The following PAX5 variants were observed in gnomAD, a reference collection of about 807,000 sequenced individuals.
PAX5 encodes the protein paired box protein Pax-5.
In PAX5, 9 loss-of-function variants were observed where a neutral mutation model predicts 43.7. The ratio of observed to expected loss-of-function variants is 0.21; its 90% CI spans 0.12 to 0.36. The LOEUF (loss-of-function observed/expected upper bound fraction) is 0.36, where lower values mean the gene tolerates loss of function less well. Ranked by LOEUF, PAX5 falls within the 10% of genes least tolerant of loss-of-function variation. PAX5 has a pLI of 1.00. For missense variants in PAX5, 383 were observed against 532.7 expected (o/e 0.72, Z 2.77); for synonymous variants, 228 against 214.3 (o/e 1.06, Z -0.56).
intron 6 of PAX5, among the ~76,000 whole-genome samples, chr9:36,937,030 C>G (rs3849924): frequency 0.83 from 126,716 of 152,102 alleles, 53,157 homozygotes; most frequent in East Asian, 0.91. Context: ...CTGTGCAAGG[C>G]AACTACCAGA....
At chr9:37,013,639 C>G (rs1839153742) in intron 3 of PAX5, among the ~76,000 whole-genome samples, 1 of 152,186 alleles carries the variant, frequency 6.6e-6, no homozygotes, top group African/African-American at 2.4e-5. Context: ...CTACCATCAT[C>G]ATTGCTATCC....
chr9:36,959,286 A>G (rs868463233), intron 6 of PAX5, among the ~76,000 whole-genome samples: 4 of 152,254 alleles, frequency 2.6e-5, no homozygotes, highest in African/African-American at 9.6e-5. Flanking sequence ...CTAAAACCAC[A>G]TGTATGAAAA....
intron 8 of PAX5, among the ~76,000 whole-genome samples, chr9:36,870,107 GATGGATAA>G (rs1490376242): frequency 2.5e-5 from 1 of 40,402 alleles, no homozygotes; most frequent in African/African-American, 1.0e-4. Context: ...TGGATGGATG[GATGGATAA>G]ATGGATGGAT....
intron 8 of PAX5, among the ~76,000 whole-genome samples, chr9:36,856,372 C>G (rs1216068023): frequency 6.6e-6 from 1 of 152,182 alleles, no homozygotes; most frequent in East Asian, 1.9e-4. Flanking sequence ...CCGTGCAGGT[C>G]CCATGAGTGA....
At chr9:36,947,575 GCT>G (rs1169538068) in intron 6 of PAX5, among the ~76,000 whole-genome samples, 1 of 151,804 alleles carries the variant, frequency 6.6e-6, no homozygotes, top group Non-Finnish European at 1.5e-5. Context: ...ATGGGGTCTT[GCT>G]CTGTTTCCCA....
In PAX5 at chr9:36,977,021, A is replaced by G. The variant is rs376676382; in HGVS notation, c.605-10297T>C. On this transcript the variant is annotated intron_variant, in intron 5 of 9. Transcript: ENST00000358127. The stretch of plus-strand genomic sequence containing the variant: ...CCCACCAGAGCTAGAGAGAGCTTCA[A>G]GTCTTAGCCCCGTCCCCTACTGGAG... Among the ~76,000 whole-genome samples, 20 of 152,200 alleles carry G rather than the reference A, an allele frequency of 1.3e-4. 1 individual carries two copies. In the East Asian group the frequency reaches 2.3e-3, roughly 18 times the overall value.
At chr9:37,028,666 T>A (rs1840666625) in intron 1 of PAX5, among the ~76,000 whole-genome samples, 1 of 152,220 alleles carries the variant, frequency 6.6e-6, no homozygotes, top group South Asian at 2.1e-4. Flanking sequence ...GAGAACCGAA[T>A]GAGCCAAGTC....
At chr9:37,016,130 A>G (rs1221910331) in intron 2 of PAX5, among the ~76,000 whole-genome samples, 1 of 152,226 alleles carries the variant, frequency 6.6e-6, no homozygotes. Context: ...GGGTCACACA[A>G]GACCAAATGG....
Position 36,833,833 on chromosome 9 carries a change from T to C in PAX5, c.*6727A>G, listed in dbSNP as rs1305941287. On this transcript the variant is annotated 3_prime_UTR_variant, in exon 10 of 10. Transcript: ENST00000358127. ...TCTCCCACTTTCAAAGGCAATTCAA[T>C]TGTGGTTTTTGTTGTTGGTTTTTTT... is the stretch of plus-strand genomic sequence containing the variant. 1 of 231,806 alleles carries C rather than the reference T, an allele frequency of 4.3e-6. No homozygotes were observed. The highest frequency in any genetic ancestry group is 8.5e-6 in the Non-Finnish European group (1 of 117,826). 14.4% of individuals were successfully genotyped at this position (231,806 alleles called of 1,614,324 possible).
chr9:36,969,371 ACTCATGGG>A (rs1834736365), intron 5 of PAX5, among the ~76,000 whole-genome samples: 2 of 151,964 alleles, frequency 1.3e-5, no homozygotes, highest in Non-Finnish European at 2.9e-5. Context: ...CTCCCCCGGG[ACTCATGGG>A]CCAGGCTCTT....
intron 7 of PAX5, among the ~76,000 whole-genome samples, chr9:36,920,668 C>T (rs1830092825): frequency 6.6e-6 from 1 of 152,090 alleles, no homozygotes; most frequent in Non-Finnish European, 1.5e-5. Context: ...TTTATATTTA[C>T]CAGTTCAACT....
intron 7 of PAX5, among the ~76,000 whole-genome samples, chr9:36,911,797 G>A (rs1345041945): frequency 1.2e-4 from 19 of 152,220 alleles, no homozygotes. Flanking sequence ...GACAGAGGAG[G>A]CAGAACATAT....
intron 8 of PAX5, among the ~76,000 whole-genome samples, chr9:36,847,205 T>A (rs1822677399): frequency 6.6e-6 from 1 of 152,218 alleles, no homozygotes. Flanking sequence ...TGGCCCCATG[T>A]GCCAGATGTT....
At chr9:36,972,277 C>A (rs7020776) in intron 5 of PAX5, among the ~76,000 whole-genome samples, 114,745 of 152,104 alleles carry the variant, frequency 0.75, 43,524 homozygotes, top group South Asian at 0.87. Flanking sequence ...ATGGCAGGGC[C>A]GTGGCAGGGC....
At chr9:36,905,588 G>C (rs1828748887) in intron 7 of PAX5, among the ~76,000 whole-genome samples, 1 of 152,166 alleles carries the variant, frequency 6.6e-6, no homozygotes, top group South Asian at 2.1e-4. Context: ...TGGAGTCAGG[G>C]ACTCCGCATG....
chr9:36,849,992 C>T (rs571081920), intron 8 of PAX5, among the ~76,000 whole-genome samples: 2 of 152,054 alleles, frequency 1.3e-5, no homozygotes, highest in South Asian at 2.1e-4. Context: ...CCTTAGTCAA[C>T]AGTCCAGAGA....
chr9:36,852,244 C>G (rs560726362), intron 8 of PAX5, among the ~76,000 whole-genome samples: 1 of 152,164 alleles, frequency 6.6e-6, no homozygotes, highest in Non-Finnish European at 1.5e-5. Context: ...GCCCCTTCAC[C>G]CTTTGATCCT....
chr9:36,972,028 T>G (rs911053697), intron 5 of PAX5, among the ~76,000 whole-genome samples: 12 of 152,244 alleles, frequency 7.9e-5, no homozygotes, highest in African/African-American at 2.9e-4. Flanking sequence ...TCATGCGCTT[T>G]ATGTCTGCAG....
intron 1 of PAX5, chr9:37,026,527 A>G (rs1840392770): frequency 7.5e-7 from 1 of 1,326,092 alleles, no homozygotes; most frequent in African/African-American, 1.5e-5. Flanking sequence ...CTCGCCGCCT[A>G]CTTACTATGC....
Sources: gnomAD v4.1 joint callset for allele counts (sites outside exome capture counted in the v4.1 genomes callset) on GRCh38, gnomAD v4.1.1 for gene constraint, MANE v1.5 for transcripts, NCBI Gene and HGNC (gene_info 2026-07-23, HGNC 2026-07-21) for gene names.